The following PARD6G variants were observed in gnomAD, a reference collection of about 807,000 sequenced individuals.
The protein encoded by PARD6G is par-6 family cell polarity regulator gamma, also known as partitioning defective 6 homolog gamma.
A neutral mutation model predicts 10.7 loss-of-function variants in PARD6G; 7 were observed. That is an observed-to-expected ratio of 0.66 (90% CI 0.37 to 1.23). The LOEUF (loss-of-function observed/expected upper bound fraction) is 1.23, where lower values mean the gene tolerates loss of function less well. Among genes scored for constraint, PARD6G ranks in the 50% most tolerant of loss-of-function variants. The probability of loss-of-function intolerance (pLI) is 0.02; values close to 1 mark genes in which losing one functional copy is unlikely to be tolerated. For synonymous variants in PARD6G, 287 were observed against 269.4 expected (o/e 1.07, Z -0.64); for missense variants, 548 against 571.8 (o/e 0.96, Z 0.42).
intron 1 of PARD6G, among the ~76,000 whole-genome samples, chr18:80,219,301 C>T (rs575143049): frequency 9.2e-5 from 14 of 152,238 alleles, no homozygotes; most frequent in East Asian, 3.9e-4. Flanking sequence ...CTCTGCCTCC[C>T]GGGTTCAAGG....
intron 1 of PARD6G, among the ~76,000 whole-genome samples, chr18:80,227,654 C>T (rs1967306889): frequency 6.6e-6 from 1 of 152,240 alleles, no homozygotes; most frequent in Admixed American, 6.5e-5. Context: ...GTCACACACA[C>T]CAGGTAGTGT....
chr18:80,244,874 G>A (rs1450733549), intron 1 of PARD6G, among the ~76,000 whole-genome samples: 2 of 152,104 alleles, frequency 1.3e-5, no homozygotes, highest in African/African-American at 4.8e-5. Flanking sequence ...ACCATAAAGT[G>A]GGTAAGTGGG....
chr18:80,219,342 A>T (rs1967205643), intron 1 of PARD6G, among the ~76,000 whole-genome samples: 1 of 152,084 alleles, frequency 6.6e-6, no homozygotes, highest in Non-Finnish European at 1.5e-5. Context: ...CTGAATAGCT[A>T]GGATTACAGG....
In PARD6G at chr18:80,180,148, G is replaced by A. The variant is rs992012342; in HGVS notation, c.296-19542C>T. On this transcript the variant is annotated intron_variant, in intron 2 of 2. Transcript: ENST00000353265. The surrounding 1 kb of genome is among the most constrained non-coding windows in gnomAD (Gnocchi z 5.6). ...GCTGGGTGAACCAGGGCCCGGGACG[G>A]GAATGGCCATTGGTGTGTCAGCTGC... is the stretch of plus-strand genomic sequence containing the variant. Among the ~76,000 whole-genome samples the A allele has an allele frequency of 3.3e-5, 5 of 152,380 alleles. No homozygotes were observed. The East Asian group carries it at 9.7e-4, about 29-fold the overall frequency.
rs1966995880 is a variant in PARD6G at position 80,200,201 on chromosome 18, A to G, written c.295+2509T>C. ...GCTGTGGGATTGAGTGTTGCCTCTC[A>G]GGGGCCTCAGCTCTGCCCCAAACGC... On this transcript the variant is annotated intron_variant, in intron 2 of 2. Coordinates refer to ENST00000353265, the MANE Select transcript of PARD6G (RefSeq NM_032510.4). This position sits in a 1 kb window ranked among gnomAD's most constrained non-coding sequence, Gnocchi z 4.4. Among the ~76,000 whole-genome samples, 2 of 152,154 alleles carry G rather than the reference A, an allele frequency of 1.3e-5. No individual in the cohort carries two copies. The highest frequency in any genetic ancestry group is 2.9e-5 in the Non-Finnish European group (2 of 68,016).
chr18:80,167,031 G>A (rs919716537), intron 2 of PARD6G, among the ~76,000 whole-genome samples: 13 of 152,120 alleles, frequency 8.5e-5, no homozygotes, highest in African/African-American at 2.2e-4. Context: ...GTGTGTCACC[G>A]TATGGAATAA....
intron 1 of PARD6G, among the ~76,000 whole-genome samples, chr18:80,245,891 A>C (rs762387780): frequency 6.6e-6 from 1 of 152,106 alleles, no homozygotes; most frequent in Non-Finnish European, 1.5e-5. Flanking sequence ...ACAGGATCTT[A>C]TGATAAATGA....
intron 2 of PARD6G, among the ~76,000 whole-genome samples, chr18:80,194,068 A>G (rs1452247356): frequency 6.6e-6 from 1 of 152,240 alleles, no homozygotes; most frequent in Non-Finnish European, 1.5e-5. Context: ...CGTTTCTGGA[A>G]AAGAAAAAAG....
chr18:80,221,695 C>T (rs913099605), intron 1 of PARD6G, among the ~76,000 whole-genome samples: 6 of 152,002 alleles, frequency 3.9e-5, no homozygotes, highest in African/African-American at 9.7e-5. Context: ...ACTGTAGTTT[C>T]GACCCAGGAA....
At chr18:80,212,097 G>A (rs2145287642) in intron 1 of PARD6G, among the ~76,000 whole-genome samples, 1 of 152,310 alleles carries the variant, frequency 6.6e-6, no homozygotes, top group Admixed American at 6.5e-5. Context: ...TCTGTGTGGA[G>A]TCTGCATGTT....
intron 1 of PARD6G, among the ~76,000 whole-genome samples, chr18:80,227,967 A>T (rs1015777930): frequency 4.1e-4 from 62 of 152,136 alleles, no homozygotes; most frequent in African/African-American, 1.4e-3. Context: ...TCTCAATTTG[A>T]ACTCACTTCT....
intron 1 of PARD6G, among the ~76,000 whole-genome samples, chr18:80,216,762 G>A (rs543169466): frequency 2.0e-5 from 3 of 152,122 alleles, no homozygotes; most frequent in South Asian, 2.1e-4. Flanking sequence ...AAATAATAGC[G>A]GTTAGGGTGG....
At chr18:80,208,142 A>G (rs1272987360) in intron 1 of PARD6G, among the ~76,000 whole-genome samples, 2 of 152,164 alleles carry the variant, frequency 1.3e-5, no homozygotes, top group East Asian at 3.8e-4. Flanking sequence ...TGCAGCATTT[A>G]GATTTCACTG....
chr18:80,219,172 C>G (rs1485649241), intron 1 of PARD6G, among the ~76,000 whole-genome samples: 1 of 151,862 alleles, frequency 6.6e-6, no homozygotes, highest in East Asian at 1.9e-4. Flanking sequence ...CAAATTTCTG[C>G]AGTAGGCTTG....
rs747585349 is a variant in PARD6G at position 80,231,655 on chromosome 18, T to A, written c.72+15622A>T. Among the ~76,000 whole-genome samples, 1 of 152,154 alleles carries A rather than the reference T, an allele frequency of 6.6e-6. No homozygotes were observed. The highest frequency in any genetic ancestry group is 1.5e-5 in the Non-Finnish European group (1 of 68,030). ...GATAAAAACATTCATCCCAGGGTTG[T>A]GGTGAGACTCTAATATGAACACATG... is the stretch of plus-strand genomic sequence containing the variant. On this transcript the variant is annotated intron_variant, in intron 1 of 2. Transcript: ENST00000353265. This position sits in a 1 kb window ranked among gnomAD's most constrained non-coding sequence, Gnocchi z 4.2.
At chr18:80,218,807 C>T (rs1054045650) in intron 1 of PARD6G, among the ~76,000 whole-genome samples, 3 of 152,360 alleles carry the variant, frequency 2.0e-5, no homozygotes, top group East Asian at 1.9e-4. Flanking sequence ...GGCCTTTCCA[C>T]ACATCCTCTG....
chr18:80,220,266 A>C (rs1348137669), intron 1 of PARD6G, among the ~76,000 whole-genome samples: 3 of 152,192 alleles, frequency 2.0e-5, no homozygotes, highest in Non-Finnish European at 4.4e-5. Flanking sequence ...CATAGAGGTA[A>C]CTGCCCCCAT....
intron 1 of PARD6G, among the ~76,000 whole-genome samples, chr18:80,206,933 T>C (rs1030201085): frequency 6.6e-6 from 1 of 151,870 alleles, no homozygotes; most frequent in African/African-American, 2.4e-5. Flanking sequence ...CTTGGATGGC[T>C]AGTGATTATC....
chr18:80,208,776 TTGCTG>T (rs1967080087), intron 1 of PARD6G, among the ~76,000 whole-genome samples: 1 of 152,140 alleles, frequency 6.6e-6, no homozygotes, highest in Non-Finnish European at 1.5e-5. Context: ...AAAGATTGCA[TTGCTG>T]TGCCTGGCCT....
Sources: gnomAD v4.1 joint callset for allele counts (sites outside exome capture counted in the v4.1 genomes callset) on GRCh38, gnomAD v4.1.1 for gene constraint, Gnocchi (gnomAD v3.1) non-coding constraint, MANE v1.5 for transcripts, NCBI Gene and HGNC (gene_info 2026-07-23, HGNC 2026-07-21) for gene names.